FSTL4: variants seen among roughly 807,000 people sequenced by gnomAD.
The protein encoded by FSTL4 is follistatin like 4, also known as follistatin-related protein 4.
In FSTL4, 28 loss-of-function variants were observed where a neutral mutation model predicts 78.2. The ratio of observed to expected loss-of-function variants is 0.36; its 90% CI spans 0.27 to 0.49. The LOEUF is 0.49. Ranked by LOEUF, FSTL4 falls within the 20% of genes least tolerant of loss-of-function variation. FSTL4 has a pLI of 0.98. For synonymous variants in FSTL4, 422 were observed against 440.5 expected (o/e 0.96, Z 0.53); for missense variants, 922 against 1,084.9 (o/e 0.85, Z 2.11).
intron 4 of FSTL4, among the ~76,000 whole-genome samples, chr5:133,331,297 C>T (rs1469434164): frequency 6.6e-6 from 1 of 152,146 alleles, no homozygotes; most frequent in Non-Finnish European, 1.5e-5. Context: ...CCTGGCAGCT[C>T]ATGGTGTTTT....
At chr5:133,371,173 C>G (rs1755290143) in intron 4 of FSTL4, among the ~76,000 whole-genome samples, 1 of 152,250 alleles carries the variant, frequency 6.6e-6, no homozygotes, top group African/African-American at 2.4e-5. Flanking sequence ...TCACCAACCC[C>G]AGGCCATCAA....
intron 3 of FSTL4, among the ~76,000 whole-genome samples, chr5:133,524,868 G>A (rs757129865): frequency 6.6e-6 from 1 of 152,192 alleles, no homozygotes; most frequent in Non-Finnish European, 1.5e-5. Flanking sequence ...CAGATGTTAG[G>A]TTTCAGGACT....
the FSTL4 span, among the ~76,000 whole-genome samples, chr5:133,629,307 T>A: frequency 1.2e-4 from 18 of 151,770 alleles, no homozygotes; most frequent in Non-Finnish European, 2.4e-4. Flanking sequence ...CAGCCTTGCA[T>A]GGGGATATCA....
the FSTL4 span, among the ~76,000 whole-genome samples, chr5:133,730,015 C>T: frequency 1.3e-5 from 2 of 152,144 alleles, no homozygotes; most frequent in Non-Finnish European, 2.9e-5. Context: ...GCAATGTGGC[C>T]ACCTGCCATC....
intron 3 of FSTL4, among the ~76,000 whole-genome samples, chr5:133,455,857 C>A (rs1757476918): frequency 6.6e-6 from 1 of 152,224 alleles, no homozygotes; most frequent in South Asian, 2.1e-4. Context: ...CCTGTGCTGG[C>A]CTCCTGCTCC....
Position 133,468,844 on chromosome 5 carries a change from C to T in FSTL4, c.161-67858G>A, listed in dbSNP as rs1757763505. Among the ~76,000 whole-genome samples the T allele has an allele frequency of 2.6e-5, 4 of 152,126 alleles. No homozygotes were observed. The South Asian group carries it at 8.3e-4, about 32-fold the overall frequency. On this transcript the variant is annotated intron_variant, in intron 3 of 15. Transcript: ENST00000265342. The stretch of plus-strand genomic sequence containing the variant: ...AACAGACGGCTACCCAACCAACATG[C>T]AGAATGACCTATACGTTACACAATA...
chr5:133,400,646 C>G (rs185408125), intron 4 of FSTL4, 92 bp downstream of exon 4: 5 of 1,163,396 alleles, frequency 4.3e-6, no homozygotes, highest in Non-Finnish European at 6.3e-6. Context: ...ACATATGTAA[C>G]TTGTAGACTC....
chr5:133,747,010 C>G, the FSTL4 span, among the ~76,000 whole-genome samples: 65 of 152,292 alleles, frequency 4.3e-4, no homozygotes, highest in African/African-American at 1.3e-3. Context: ...AATGACTCCT[C>G]CTGGCCACCA....
At chr5:133,629,090 A>G in the FSTL4 span, among the ~76,000 whole-genome samples, 23 of 150,684 alleles carry the variant, frequency 1.5e-4, no homozygotes, top group East Asian at 4.4e-3. Context: ...CCCATTCACT[A>G]TGATATTGGC....
intron 3 of FSTL4, among the ~76,000 whole-genome samples, chr5:133,511,678 A>G (rs1426383248): frequency 2.0e-5 from 3 of 152,200 alleles, no homozygotes; most frequent in African/African-American, 7.2e-5. Flanking sequence ...GTTTGCCCCA[A>G]TAAAAGTGAG....
intron 3 of FSTL4, among the ~76,000 whole-genome samples, chr5:133,536,153 T>C (rs1225644613): frequency 6.6e-6 from 1 of 152,190 alleles, no homozygotes; most frequent in African/African-American, 2.4e-5. Context: ...TTTACCCCCA[T>C]TATAAAAGTA....
At chr5:133,241,245 C>A (rs1222634154) in intron 7 of FSTL4, among the ~76,000 whole-genome samples, 1 of 152,240 alleles carries the variant, frequency 6.6e-6, no homozygotes, top group African/African-American at 2.4e-5. Context: ...ATAACACTTA[C>A]AATGAGTTCT....
chr5:133,643,648 C>A, the FSTL4 span, among the ~76,000 whole-genome samples: 2 of 152,208 alleles, frequency 1.3e-5, no homozygotes, highest in Non-Finnish European at 2.9e-5. Flanking sequence ...CCACCCCAGA[C>A]AGATGCTCCT....
In FSTL4 at chr5:133,215,515, GTCTCT is replaced by G. The variant is rs377471964; in HGVS notation, c.1608+1709_1608+1713del. Among the ~76,000 whole-genome samples the G allele has an allele frequency of 2.1e-3, 311 of 150,910 alleles. 2 individuals are homozygous for G. The highest frequency in any genetic ancestry group is 7.3e-3 in the African/African-American group (299 of 41,046). On this transcript the variant is annotated intron_variant, in intron 13 of 15. Transcript: ENST00000265342. The stretch of plus-strand genomic sequence containing the variant: ...CAATCTGCTCCCTGCCTTGCCCGAA[GTCTCT>G]TCTCTTCTAACAGTATTTTAAACTT...
At chr5:133,682,870 C>A in the FSTL4 span, among the ~76,000 whole-genome samples, 15 of 152,112 alleles carry the variant, frequency 9.9e-5, no homozygotes, top group African/African-American at 3.6e-4. Context: ...GGGGCAGTGA[C>A]CCCAGAGAAA....
intron 6 of FSTL4, among the ~76,000 whole-genome samples, chr5:133,283,836 G>A (rs1030200006): frequency 1.3e-5 from 2 of 152,218 alleles, no homozygotes; most frequent in Non-Finnish European, 1.5e-5. Context: ...TCCTCAGGCT[G>A]TACAGGAAGC....
the FSTL4 span, among the ~76,000 whole-genome samples, chr5:133,731,925 T>C: frequency 6.6e-6 from 1 of 152,178 alleles, no homozygotes; most frequent in Admixed American, 6.5e-5. Context: ...TTCTAGATAC[T>C]CAAAAGCTTC....
At chr5:133,815,443 A>G in the FSTL4 span, among the ~76,000 whole-genome samples, 4 of 152,136 alleles carry the variant, frequency 2.6e-5, no homozygotes, top group South Asian at 8.3e-4. Flanking sequence ...ACGTTGGGTA[A>G]AAAGCCTGAG....
chr5:133,416,595 A>G (rs1253679545), intron 3 of FSTL4, among the ~76,000 whole-genome samples: 3 of 152,236 alleles, frequency 2.0e-5, no homozygotes, highest in Non-Finnish European at 4.4e-5. Context: ...GCTGGCAGAT[A>G]TCATTTTACT....
Sources: gnomAD v4.1 joint callset for allele counts (sites outside exome capture counted in the v4.1 genomes callset) on GRCh38, gnomAD v4.1.1 for gene constraint, MANE v1.5 for transcripts, NCBI Gene and HGNC (gene_info 2026-07-23, HGNC 2026-07-21) for gene names.